The following DEUP1 variants were observed in gnomAD, a reference collection of about 807,000 sequenced individuals.
DEUP1 encodes the protein coiled-coil domain containing 67.
In DEUP1, 82 loss-of-function variants were observed where a neutral mutation model predicts 87.4. The ratio of observed to expected loss-of-function variants is 0.94; its 90% confidence interval spans 0.78 to 1.13. The LOEUF (loss-of-function observed/expected upper bound fraction) is 1.13. DEUP1 is among the 50% of genes most tolerant of loss of function. The pLI is 0.00. For missense variants in DEUP1, 663 were observed against 681.5 expected, an observed-to-expected ratio of 0.97 and a Z score of 0.30; for synonymous variants, 214 against 222.7, an observed-to-expected ratio of 0.96 and a Z score of 0.35.
chr11:93,370,804 TC>T (rs574725618), intron 6 of DEUP1, among the ~76,000 whole-genome samples: 222 of 152,292 alleles, frequency 1.5e-3, no homozygotes, highest in African/African-American at 5.1e-3. Flanking sequence ...ACCACTAACC[TC>T]CTTCTCTACT....
chr11:93,392,149 C>T (rs2134352358), intron 9 of DEUP1, among the ~76,000 whole-genome samples: 1 of 152,286 alleles, frequency 6.6e-6, no homozygotes, highest in Non-Finnish European at 1.5e-5. Flanking sequence ...ACTCTAAGTG[C>T]CATCCCCTAA....
rs1427564099 is a variant in DEUP1, at chr11:93,373,639, A to G, written c.789+2359A>G. Among the ~76,000 whole-genome samples the G allele has an allele frequency of 2.9e-3, 426 of 147,048 alleles. 3 individuals carry two copies. Among genetic ancestry groups the G allele is most frequent in the African/African-American group, 9.6e-3 (385 of 40,266 alleles). Reference sequence around the variant, plus strand: ...TATATATATACGTATATATATATATATATATATATATACGTATATATATGC... The same window carrying G: ...TATATATATACGTATATATATATATGTATATATATATACGTATATATATGC... On this transcript the variant is annotated intron_variant, in intron 7 of 13. Transcript: ENST00000298050.
intron 2 of DEUP1, chr11:93,352,317 C>T: frequency 1.4e-6 from 1 of 702,082 alleles, no homozygotes. Flanking sequence ...AAGTGTAAGA[C>T]CTCAATAACT....
chr11:93,413,840 A>G (rs899587327), intron 12 of DEUP1, among the ~76,000 whole-genome samples: 2 of 152,210 alleles, frequency 1.3e-5, no homozygotes, highest in Admixed American at 6.5e-5. Flanking sequence ...AAATCTAAAG[A>G]CATCACTTCC....
intron 7 of DEUP1, among the ~76,000 whole-genome samples, chr11:93,381,927 AG>A (rs1946322303): frequency 6.6e-6 from 1 of 152,170 alleles, no homozygotes; most frequent in Non-Finnish European, 1.5e-5. Context: ...TTTCATACTA[AG>A]TCTTCAAAAT....
At chr11:93,411,823 TCAAA>T (rs1400508011) in intron 12 of DEUP1, among the ~76,000 whole-genome samples, 10 of 152,202 alleles carry the variant, frequency 6.6e-5, no homozygotes, top group South Asian at 4.1e-4. Context: ...ATTTTAGCAG[TCAAA>T]CAATCATTAA....
At chr11:93,427,441 C>G (rs374937562) in intron 13 of DEUP1, among the ~76,000 whole-genome samples, 31 of 151,998 alleles carry the variant, frequency 2.0e-4, no homozygotes, top group East Asian at 5.8e-4. Context: ...GCTGAAACTG[C>G]ATCCCTTCCT....
In DEUP1 at chr11:93,371,224, CA is replaced by C. The variant is rs1316385453; in HGVS notation, c.735del (p.Asp246MetfsTer10). On this transcript the variant is annotated frameshift_variant, in exon 7 of 14. Transcript: ENST00000298050. LOFTEE classifies it high-confidence loss of function. ...NEIALSRNKL[Q>X]DENQKLLQEL... ...GATAGCACTAAGCAGGAATAAATTA[CA>C]AGATGAAAATCAGAAGCTCTTGCAA... 1 of 1,613,166 alleles carries C rather than the reference CA, an allele frequency of 6.2e-7. No homozygotes were observed. Among genetic ancestry groups the C allele is most frequent in the Admixed American group, 1.7e-5 (1 of 59,946 alleles).
intron 10 of DEUP1, among the ~76,000 whole-genome samples, chr11:93,395,860 G>A (rs1325926370): frequency 6.6e-6 from 1 of 152,126 alleles, no homozygotes; most frequent in African/African-American, 2.4e-5. Flanking sequence ...ATTGCCTATT[G>A]TAAAAATTAA....
At chr11:93,427,160 T>A (rs1947947611) in intron 13 of DEUP1, among the ~76,000 whole-genome samples, 1 of 150,494 alleles carries the variant, frequency 6.6e-6, no homozygotes, top group African/African-American at 2.5e-5. Flanking sequence ...AGAGCCCACA[T>A]CGCCAAGTCA....
intron 9 of DEUP1, among the ~76,000 whole-genome samples, chr11:93,391,281 G>T (rs187309700): frequency 2.9e-4 from 44 of 152,206 alleles, no homozygotes; most frequent in Admixed American, 1.2e-3. Context: ...TGGAGTTCAG[G>T]TAAATTAGTT....
intron 11 of DEUP1, among the ~76,000 whole-genome samples, chr11:93,407,480 T>A (rs952770813): frequency 1.3e-5 from 2 of 152,134 alleles, no homozygotes; most frequent in Non-Finnish European, 2.9e-5. Flanking sequence ...GTATATTGAT[T>A]ATAATTTTCT....
intron 2 of DEUP1, among the ~76,000 whole-genome samples, chr11:93,347,880 C>T (rs1182907501): frequency 6.6e-6 from 1 of 152,066 alleles, no homozygotes; most frequent in African/African-American, 2.4e-5. Context: ...GCTGGGACTA[C>T]AGGCGCGTGC....
At chr11:93,387,115 C>T (rs1345759615) in intron 8 of DEUP1, among the ~76,000 whole-genome samples, 2 of 152,100 alleles carry the variant, frequency 1.3e-5, no homozygotes, top group African/African-American at 4.8e-5. Context: ...CTTTCTTATC[C>T]TAGAATTCAG....
chr11:93,418,646 T>G (rs1249042053), intron 13 of DEUP1, among the ~76,000 whole-genome samples: 1 of 151,722 alleles, frequency 6.6e-6, no homozygotes, highest in Non-Finnish European at 1.5e-5. Context: ...GATCTAGAAC[T>G]AGAAATACCA....
At chr11:93,388,095 GAT>G (rs1287479734) in intron 8 of DEUP1, among the ~76,000 whole-genome samples, 1 of 151,974 alleles carries the variant, frequency 6.6e-6, no homozygotes, top group East Asian at 1.9e-4. Context: ...GTAACTCAGG[GAT>G]ATCACTACCA....
intron 8 of DEUP1, among the ~76,000 whole-genome samples, chr11:93,386,270 CT>C (rs1946549582): frequency 6.6e-6 from 1 of 151,452 alleles, no homozygotes; most frequent in Admixed American, 6.6e-5. Flanking sequence ...TTTTTTTTCT[CT>C]TTTAAAATCA....
intron 10 of DEUP1, among the ~76,000 whole-genome samples, chr11:93,395,090 T>C (rs1271823284): frequency 6.6e-6 from 1 of 152,210 alleles, no homozygotes; most frequent in Non-Finnish European, 1.5e-5. Flanking sequence ...TACAAATGGA[T>C]GTTGAAACAT....
rs548026360 is a variant in DEUP1, at chr11:93,338,000, T to A, written c.29+5712T>A. On this transcript the variant is annotated intron_variant, in intron 2 of 13. Coordinates refer to ENST00000298050, the MANE Select transcript of DEUP1 (RefSeq NM_181645.4). ...TGGTTGTCTATGGTGCTTAGTTGTA[T>A]GGCACCTTGGAACCACCTGGGACTT... is the stretch of plus-strand genomic sequence containing the variant. Among the ~76,000 whole-genome samples the A allele has an allele frequency of 1.1e-4, 16 of 152,314 alleles. No homozygotes were observed. In the South Asian group the frequency reaches 3.3e-3, roughly 32 times the overall value.
Sources: gnomAD v4.1 joint callset for allele counts (sites outside exome capture counted in the v4.1 genomes callset) on GRCh38, gnomAD v4.1.1 for gene constraint, MANE v1.5 for transcripts, NCBI Gene and HGNC (gene_info 2026-07-23, HGNC 2026-07-21) for gene names.